Variants in OLFM1 observed in about 807,000 individuals in gnomAD.
OLFM1 encodes noelin.
OLFM1 carries 9 observed loss-of-function variants against 49.7 expected under a neutral mutation model. The ratio of observed to expected loss-of-function variants is 0.18; its 90% confidence interval spans 0.11 to 0.32. OLFM1 has a LOEUF of 0.32. Ranked by LOEUF, OLFM1 falls within the 10% of genes least tolerant of loss-of-function variation. The pLI is 1.00. For missense variants in OLFM1, 369 were observed against 661.8 expected (o/e 0.56, Z 4.85); for synonymous variants, 240 against 271.8 (o/e 0.88, Z 1.15).
At chr9:135,105,086 C>A (rs894246131) in intron 4 of OLFM1, among the ~76,000 whole-genome samples, 2 of 152,254 alleles carry the variant, frequency 1.3e-5, no homozygotes, top group African/African-American at 2.4e-5. Context: ...GCCGAGAAGA[C>A]CCTGGCAGCC....
chr9:135,105,075 G>A (rs909233544), intron 4 of OLFM1, among the ~76,000 whole-genome samples: 1 of 152,172 alleles, frequency 6.6e-6, no homozygotes, highest in Non-Finnish European at 1.5e-5. Context: ...TGTGGACCAC[G>A]GCCGAGAAGA....
chr9:135,091,598 CTCACACAT>C (rs1830693590), intron 2 of OLFM1, among the ~76,000 whole-genome samples: 1 of 138,382 alleles, frequency 7.2e-6, no homozygotes, highest in African/African-American at 2.9e-5. Flanking sequence ...CAGTCACACA[CTCACACAT>C]AGTCACACAG....
upstream of OLFM1, among the ~76,000 whole-genome samples, chr9:135,086,244 C>T (rs1353206085): frequency 3.3e-5 from 5 of 152,244 alleles, no homozygotes; most frequent in Admixed American, 3.3e-4. Flanking sequence ...AGATGGCGCC[C>T]TTCCCCAACA....
intron 2 of OLFM1, among the ~76,000 whole-genome samples, chr9:135,090,602 C>T (rs1220116220): frequency 6.6e-6 from 1 of 151,980 alleles, no homozygotes; most frequent in African/African-American, 2.4e-5. Flanking sequence ...ATTGAGACTT[C>T]CAAGGGTGGT....
rs1447705509 is a variant in OLFM1, at chr9:135,080,860, C to G, written c.96+5058C>G. On this transcript the variant is annotated intron_variant, in intron 1 of 5. Transcript: ENST00000252854. The surrounding 1 kb of genome is among the most constrained non-coding windows in gnomAD (Gnocchi z 4.5). ...ACGCTCGGAAACCTCAGCGCTGTCC[C>G]GACTGGCACCGCAGGGCGACCGAAG... 6.6e-6 allele frequency among the ~76,000 whole-genome samples: 1 copy of G among 152,050 alleles called. No individual in the cohort carries two copies. The highest frequency in any genetic ancestry group is 1.5e-5 in the Non-Finnish European group (1 of 68,026).
intron 5 of OLFM1, among the ~76,000 whole-genome samples, chr9:135,115,227 A>G (rs1352061039): frequency 6.6e-6 from 1 of 152,148 alleles, no homozygotes; most frequent in Non-Finnish European, 1.5e-5. Context: ...ACCTTCCTAC[A>G]CATTCACCAC....
chr9:135,098,867 T>A lies in OLFM1; in HGVS notation c.676+362T>A, dbSNP rs1018509025. ...CAATAACATCTCAGATTCCTCCGGA[T>A]TGAGAACGGGGGCTGGTGGAGCTCC... is the stretch of plus-strand genomic sequence containing the variant. On this transcript the variant is annotated intron_variant, in intron 4 of 5. Transcript: ENST00000371793. This position sits in a 1 kb window ranked among gnomAD's most constrained non-coding sequence, Gnocchi z 5.6. Among the ~76,000 whole-genome samples, 1 of 152,218 alleles carries A rather than the reference T, an allele frequency of 6.6e-6. No homozygotes were observed. Among genetic ancestry groups the A allele is most frequent in the Admixed American group, 6.5e-5 (1 of 15,282 alleles).
rs552252610 is a variant in OLFM1 at position 135,104,310 on chromosome 9, G to A, written c.677-2439G>A. On this transcript the variant is annotated intron_variant, in intron 4 of 5. Transcript: ENST00000371793. ...AAGCTGCGTGAACCAGCAGGGCGGGGCTCTGGCCAGGCGGCGGAGAGGAGC... is the reference window on the plus strand; with the variant it reads ...AAGCTGCGTGAACCAGCAGGGCGGGACTCTGGCCAGGCGGCGGAGAGGAGC... Among the ~76,000 whole-genome samples the A allele has an allele frequency of 4.7e-3, 721 of 152,360 alleles. 1 individual carries two copies. Among genetic ancestry groups the A allele is most frequent in the Non-Finnish European group, 5.8e-3 (397 of 68,038 alleles).
chr9:135,076,384 C>G (rs140526615), intron 1 of OLFM1: 15 of 1,510,656 alleles, frequency 9.9e-6, no homozygotes, highest in Non-Finnish European at 1.3e-5. Flanking sequence ...GCCACATGCC[C>G]GGCAGGAGGT....
At chr9:135,091,306 G>C (rs1013098525) in intron 2 of OLFM1, among the ~76,000 whole-genome samples, 1 of 152,216 alleles carries the variant, frequency 6.6e-6, no homozygotes, top group Non-Finnish European at 1.5e-5. Context: ...AGGAGGAATG[G>C]TGGGCCCTTC....
At chr9:135,118,654 GTCTTTGGAGTACTCACTGGC>G (rs1475948752) in intron 5 of OLFM1, among the ~76,000 whole-genome samples, 1 of 150,298 alleles carries the variant, frequency 6.7e-6, no homozygotes, top group African/African-American at 2.5e-5. Context: ...TGCTCACTGG[GTCTTTGGAGTACTCACTGGC>G]TCTTTGGAGT....
At chr9:135,076,920 G>T (rs1371734579) in intron 1 of OLFM1, 11 of 1,550,520 alleles carry the variant, frequency 7.1e-6, no homozygotes, top group Non-Finnish European at 9.6e-6. Context: ...GGAAGCCCAC[G>T]CTGGCTCCCT....
chr9:135,117,546 G>A lies in OLFM1; in HGVS notation c.784-1958G>A, dbSNP rs1182112942. On this transcript the variant is annotated intron_variant, in intron 5 of 5. Coordinates refer to ENST00000371793, the MANE Select transcript of OLFM1 (RefSeq NM_001282611.2). This position sits in a 1 kb window ranked among gnomAD's most constrained non-coding sequence, Gnocchi z 5.5. The stretch of plus-strand genomic sequence containing the variant: ...CCTCACTGCAGACAACAGCTGCCTG[G>A]GGCTGTGAGCATTTGCCCTCGGCTA... 6.6e-6 allele frequency among the ~76,000 whole-genome samples: 1 copy of A among 152,206 alleles called. No individual in the cohort carries two copies. The highest frequency in any genetic ancestry group is 1.5e-5 in the Non-Finnish European group (1 of 68,036).
At position 135,106,871 on chromosome 9, in the gene OLFM1, T is replaced by C. The variant is rs1180833837; in HGVS notation, c.783+16T>C. ...CGATAACCGGGTGAGTGTCCCCTTATGTCATAGGGGGTCATTTGGGCAAGG... is the reference window on the plus strand; with the variant it reads ...CGATAACCGGGTGAGTGTCCCCTTACGTCATAGGGGGTCATTTGGGCAAGG... On this transcript the variant is annotated intron_variant, in intron 5 of 5. Coordinates refer to ENST00000371793, the MANE Select transcript of OLFM1 (RefSeq NM_001282611.2). 12 of 1,586,862 alleles carry C rather than the reference T, an allele frequency of 7.6e-6. No homozygotes were observed. The highest frequency in any genetic ancestry group is 1.7e-4 in the Middle Eastern group (1 of 6,048).
intron 1 of OLFM1, chr9:135,077,375 A>T: frequency 1.9e-6 from 2 of 1,027,338 alleles, no homozygotes; most frequent in South Asian, 3.4e-5. Context: ...AGGCCAAAAG[A>T]TGCTTTTCCT....
intron 2 of OLFM1, among the ~76,000 whole-genome samples, chr9:135,094,583 G>T (rs374096146): frequency 6.6e-6 from 1 of 152,134 alleles, no homozygotes; most frequent in Admixed American, 6.5e-5. Flanking sequence ...AAGCCACCCC[G>T]TCGTGTACTT....
chr9:135,084,092 C>A (rs1277622065), upstream of OLFM1, among the ~76,000 whole-genome samples: 1 of 152,212 alleles, frequency 6.6e-6, no homozygotes, highest in Admixed American at 6.5e-5. The surrounding 1 kb of genome is among the most constrained non-coding windows in gnomAD (Gnocchi z 4.6). Context: ...GCTCAGAAGA[C>A]CCATGCTGGT....
intron 1 of OLFM1, among the ~76,000 whole-genome samples, 175 bp from the exon 2 acceptor site, chr9:135,090,018 CTT>C (rs888429496): frequency 6.6e-6 from 1 of 152,228 alleles, no homozygotes; most frequent in African/African-American, 2.4e-5. Context: ...ACCTGTGCCT[CTT>C]TGTTCCCAGG....
At chr9:135,076,207 C>G (rs1047937105) in intron 1 of OLFM1, 3 of 1,550,624 alleles carry the variant, frequency 1.9e-6, no homozygotes, top group Admixed American at 3.9e-5. Context: ...AGTCCTACCC[C>G]CAACACACAC....
Sources: allele counts gnomAD v4.1 joint callset (sites outside exome capture counted in the v4.1 genomes callset), GRCh38; gene constraint gnomAD v4.1.1; non-coding constraint Gnocchi (gnomAD v3.1); transcripts MANE v1.5; gene names NCBI Gene and HGNC (gene_info 2026-07-23, HGNC 2026-07-21).